OCM2: variants seen among roughly 807,000 people sequenced by gnomAD.
OCM2 encodes the protein oncomodulin 2, also known as oncomodulin-2.
OCM2 carries 6 observed loss-of-function variants against 13.6 expected under a neutral mutation model. The observed-to-expected ratio is 0.44, with a 90% CI of 0.24 to 0.87. The LOEUF (loss-of-function observed/expected upper bound fraction) is 0.87, where lower values mean the gene tolerates loss of function less well. OCM2 is among the 40% of genes least tolerant of loss of function. OCM2 has a pLI of 0.22. For synonymous variants in OCM2, 40 were observed against 50.7 expected, an observed-to-expected ratio of 0.79 and a Z score of 0.90; for missense variants, 118 against 136.8, an observed-to-expected ratio of 0.86 and a Z score of 0.68.
exon 3 of OCM2, chr7:97,987,075 A>G (rs746869281): frequency 1.2e-6 from 2 of 1,613,454 alleles, no homozygotes; most frequent in African/African-American, 2.7e-5. Flanking sequence ...CATCTCCATC[A>G]TTATCCGCCG....
At chr7:97,988,665 G>A (rs1584171219) in intron 1 of OCM2, 117 bp from the exon 2 acceptor site, 2 of 1,371,194 alleles carry the variant, frequency 1.5e-6, no homozygotes, top group Non-Finnish European at 1.0e-6. Context: ...GAGCTACGGG[G>A]ATGCTCAACT....
At chr7:97,988,244 T>C (rs1299019039) in intron 2 of OCM2, among the ~76,000 whole-genome samples, 172 bp downstream of exon 2, 5 of 151,980 alleles carry the variant, frequency 3.3e-5, no homozygotes, top group Non-Finnish European at 7.4e-5. Context: ...TTGAGGGCTT[T>C]GCATGGGTAG....
At chr7:97,987,180 G>C (rs751199409) in intron 2 of OCM2, 24 bp from the exon 3 acceptor site, 1 of 1,612,684 alleles carries the variant, frequency 6.2e-7, no homozygotes, top group South Asian at 1.1e-5. Context: ...AAGATCCATG[G>C]GGATTTTCAA....
chr7:97,986,718 C>T (rs1318225874), intron 3 of OCM2, among the ~76,000 whole-genome samples: 1 of 152,136 alleles, frequency 6.6e-6, no homozygotes, highest in African/African-American at 2.4e-5. Context: ...AGAAATACCT[C>T]GCGCTATATG....
At chr7:97,989,259 T>C (rs1794705660) in intron 1 of OCM2, among the ~76,000 whole-genome samples, 1 of 151,976 alleles carries the variant, frequency 6.6e-6, no homozygotes, top group Non-Finnish European at 1.5e-5. Context: ...TCATGTTTAG[T>C]AGGTTTCTTT....
At chr7:97,987,681 T>TTTTATCTA (rs1554366738) in intron 2 of OCM2, among the ~76,000 whole-genome samples, 12 of 144,746 alleles carry the variant, frequency 8.3e-5, no homozygotes, top group African/African-American at 2.9e-4. Flanking sequence ...TGGTTTTAAT[T>TTTTATCTA]TTTATTTATT....
At chr7:97,985,455 G>GAAAGAAAA (rs1338762609) in intron 3 of OCM2, among the ~76,000 whole-genome samples, 2 of 146,888 alleles carry the variant, frequency 1.4e-5, no homozygotes, top group Non-Finnish European at 3.0e-5. Context: ...AAGAAAGAAA[G>GAAAGAAAA]AAAAAAACCC....
intron 2 of OCM2, among the ~76,000 whole-genome samples, chr7:97,987,464 A>G (rs1173441516): frequency 6.7e-6 from 1 of 150,274 alleles, no homozygotes; most frequent in Non-Finnish European, 1.5e-5. Context: ...TTCTGCCTCA[A>G]CCTCCCGAGT....
Position 97,990,119 on chromosome 7 carries a change from C to T in OCM2, c.-15G>A, listed in dbSNP as rs1305556237. The stretch of plus-strand genomic sequence containing the variant: ...GTGATGCTCATTTTCTACCTACTCA[C>T]ACAGAATAAACGAGAGGCGATAAGC... On this transcript the variant is annotated 5_prime_UTR_variant, in exon 1 of 4. It adds an upstream start codon to the 5' untranslated region. Transcript: ENST00000257627. 6.3e-7 allele frequency: 1 copy of T among 1,594,152 alleles called. No homozygotes were observed. The highest frequency in any genetic ancestry group is 1.1e-5 in the South Asian group (1 of 90,854).
chr7:97,989,262 G>A (rs1489682326), intron 1 of OCM2, among the ~76,000 whole-genome samples: 2 of 151,752 alleles, frequency 1.3e-5, no homozygotes, highest in Admixed American at 1.3e-4. Context: ...TGTTTAGTAG[G>A]TTTCTTTTGT....
intron 1 of OCM2, among the ~76,000 whole-genome samples, chr7:97,989,215 GC>G (rs1794705142): frequency 6.6e-6 from 1 of 151,878 alleles, no homozygotes; most frequent in Non-Finnish European, 1.5e-5. Flanking sequence ...ACAGGTGTGA[GC>G]ACCACACCTG....
intron 3 of OCM2, 132 bp from the exon 4 acceptor site, chr7:97,985,115 G>A (rs1794657053): frequency 1.5e-6 from 1 of 670,796 alleles, no homozygotes; most frequent in East Asian, 2.7e-5. Flanking sequence ...GGCCCCCTTG[G>A]AGGGCACAAA....
intron 1 of OCM2, 28 bp downstream of exon 1, chr7:97,990,016 T>TGCGACCCC: frequency 9.2e-7 from 1 of 1,083,840 alleles, no homozygotes; most frequent in Non-Finnish European, 1.4e-6. Flanking sequence ...TGTGAGGAAA[T>TGCGACCCC]CCCACCCCCG....
chr7:97,989,645 C>T (rs1243672291), intron 1 of OCM2, among the ~76,000 whole-genome samples: 2 of 149,986 alleles, frequency 1.3e-5, no homozygotes, highest in African/African-American at 4.9e-5. Context: ...TGGGCTCAAA[C>T]AGTCCTCTCA....
chr7:97,986,761 T>G (rs1448725002), intron 3 of OCM2, among the ~76,000 whole-genome samples: 1 of 152,166 alleles, frequency 6.6e-6, no homozygotes, highest in Non-Finnish European at 1.5e-5. Flanking sequence ...TACAAATAAT[T>G]GGCCAGGTAG....
At chr7:97,987,498 C>A (rs4729399) in intron 2 of OCM2, among the ~76,000 whole-genome samples, 99,071 of 151,206 alleles carry the variant, frequency 0.66, 33,356 homozygotes, top group African/African-American at 0.81. Flanking sequence ...GGTGCACCCC[C>A]CCATGCCCCA....
At chr7:97,988,321 T>A in intron 2 of OCM2, 95 bp downstream of exon 2, 1 of 1,485,050 alleles carries the variant, frequency 6.7e-7, no homozygotes, top group Admixed American at 2.0e-5. Context: ...ACACCAAGGC[T>A]GGCCATTGAA....
rs1584171018 is a variant in OCM2 at position 97,988,410 on chromosome 7, G to T, written c.194+6C>A. On this transcript the variant is annotated splice_donor_region_variant and intron_variant, in intron 2 of 3. Coordinates refer to ENST00000257627, the Ensembl canonical transcript of OCM2. Reference sequence around the variant, plus strand: ...AGGTACCAGACAGCCTCAGGACAAAGCTTACTTAAGCTCTTCTTCATCCAG... The same window carrying T: ...AGGTACCAGACAGCCTCAGGACAAATCTTACTTAAGCTCTTCTTCATCCAG... The T allele has an allele frequency of 2.5e-6, 4 of 1,614,098 alleles. No individual in the cohort carries two copies. Among genetic ancestry groups the T allele is most frequent in the Non-Finnish European group, 2.5e-6 (3 of 1,180,018 alleles).
chr7:97,984,930 T>G lies in OCM2; in HGVS notation c.*28A>C. 3 of 1,605,850 alleles carry G rather than the reference T, an allele frequency of 1.9e-6. No homozygotes were observed. The Admixed American group carries it at 5.0e-5, about 27-fold the overall frequency. ...GAATCCTTCCAGGTGATTATCCCTT[T>G]CTCTCTTTTCTCCAGAGACTGGGGC... On this transcript the variant is annotated 3_prime_UTR_variant, in exon 4 of 4. Coordinates refer to ENST00000257627, the Ensembl canonical transcript of OCM2.
Sources: allele counts gnomAD v4.1 joint callset (sites outside exome capture counted in the v4.1 genomes callset), GRCh38; gene constraint gnomAD v4.1.1; transcripts MANE v1.5; gene names NCBI Gene and HGNC (gene_info 2026-07-23, HGNC 2026-07-21).